The following GARRE1 variants were observed in gnomAD, a reference collection of about 807,000 sequenced individuals.
GARRE1 encodes granule associated Rac and RHOG effector 1, also known as granule associated Rac and RHOG effector protein 1.
In GARRE1, 49 loss-of-function variants were observed where a neutral mutation model predicts 103.2. That is an observed-to-expected ratio of 0.47 (90% CI 0.38 to 0.60). GARRE1 has a LOEUF of 0.60. GARRE1 is among the 20% of genes least tolerant of loss of function. The probability of loss-of-function intolerance (pLI) is 0.00; values close to 1 mark genes in which losing one functional copy is unlikely to be tolerated. For missense variants in GARRE1, 1,199 were observed against 1,370.5 expected (o/e 0.87, Z 1.98); for synonymous variants, 505 against 532.8 (o/e 0.95, Z 0.72).
intron 1 of GARRE1, among the ~76,000 whole-genome samples, chr19:34,293,743 C>CACACACACACACACACAT (rs902253324): frequency 8.8e-6 from 1 of 113,460 alleles, no homozygotes; most frequent in South Asian, 3.2e-4. Context: ...CACACACACA[C>CACACACACACACACACAT]ATATTTCTTT....
In GARRE1 at chr19:34,258,785, G is replaced by A. The variant is rs1024912629; in HGVS notation, c.-796+4171G>A. Among the ~76,000 whole-genome samples, 10 of 121,504 alleles carry A rather than the reference G, an allele frequency of 8.2e-5. No homozygotes were observed. The East Asian group carries it at 9.9e-4, about 12-fold the overall frequency. 79.7% of individuals were successfully genotyped at this position (121,504 alleles called of 152,430 possible). A position where few individuals can be genotyped will look rare whatever the true frequency, so the allele number is the denominator to read the frequency against. The stretch of plus-strand genomic sequence containing the variant: ...AGCCTGGGCGACAGAGTAAGACTCC[G>A]TCTCAAAAAAAAAAAGAAAAGAAAA... On this transcript the variant is annotated intron_variant, in intron 1 of 13. Transcript: ENST00000299505.
chr19:34,302,487 T>G (rs1160211433), intron 2 of GARRE1, among the ~76,000 whole-genome samples: 1 of 151,378 alleles, frequency 6.6e-6, no homozygotes, highest in Non-Finnish European at 1.5e-5. Context: ...AGAGACAGGG[T>G]TTCACCATCT....
chr19:34,271,663 C>T (rs1019336101), intron 1 of GARRE1, among the ~76,000 whole-genome samples: 8 of 152,042 alleles, frequency 5.3e-5, no homozygotes, highest in African/African-American at 1.9e-4. Flanking sequence ...AGTTTGAGAC[C>T]AGCCTGGGCA....
chr19:34,342,838 C>CT (rs879824769), intron 10 of GARRE1, among the ~76,000 whole-genome samples: 54 of 143,944 alleles, frequency 3.8e-4, no homozygotes, highest in South Asian at 6.6e-4. Flanking sequence ...CTTTGCGATG[C>CT]TTTTTTTTTT....
In GARRE1 at chr19:34,319,980, A is replaced by C. The variant is rs2074077804; in HGVS notation, c.569A>C (p.Gln190Pro). 6.2e-7 allele frequency: 1 copy of C among 1,614,142 alleles called. No homozygotes were observed. The highest frequency in any genetic ancestry group is 1.3e-5 in the African/African-American group (1 of 74,950). ...QFLTHALQKV[Q>P]PVAHSCFAEV... ...TTGACTCATGCGTTACAGAAGGTCC[A>C]GCCGGTGGCTCACTCTTGCTTTGCT... Residue 190 changes from glutamine (Q) to proline (P), a missense_variant, in exon 3 of 14, where the codon CAG (glutamine) becomes CCG (proline). Gln to Pro is a moderately conservative substitution (Grantham distance 76). Coordinates refer to ENST00000299505, the MANE Select transcript of GARRE1 (RefSeq NM_014686.5).
At chr19:34,302,081 C>G (rs1283117436) in intron 2 of GARRE1, among the ~76,000 whole-genome samples, 2 of 149,558 alleles carry the variant, frequency 1.3e-5, no homozygotes, top group Non-Finnish European at 3.0e-5. Flanking sequence ...ACCTCCACCT[C>G]CCGAGTTCAA....
At chr19:34,308,956 C>A (rs1235431687) in intron 2 of GARRE1, among the ~76,000 whole-genome samples, 1 of 151,978 alleles carries the variant, frequency 6.6e-6, no homozygotes, top group African/African-American at 2.4e-5. Flanking sequence ...CTTCCGCACC[C>A]AAATCTCATT....
At chr19:34,324,526 CTGGGTCT>C (rs2074103339) in intron 3 of GARRE1, among the ~76,000 whole-genome samples, 1 of 141,394 alleles carries the variant, frequency 7.1e-6, no homozygotes, top group Admixed American at 7.2e-5. Context: ...TTTTTTGAGA[CTGGGTCT>C]TGCTCTGTTG....
rs2073966742 is a variant in GARRE1, at chr19:34,299,717, C to G, written c.-757C>G. 6.6e-6 allele frequency: 1 copy of G among 152,168 alleles called. No homozygotes were observed. Among genetic ancestry groups the G allele is most frequent in the Non-Finnish European group, 1.5e-5 (1 of 68,036 alleles). The allele number at this position is 152,168 out of a possible 1,614,324, so 9.4% of individuals were successfully genotyped here. A position where few individuals can be genotyped will look rare whatever the true frequency, so the allele number is the denominator to read the frequency against. On this transcript the variant is annotated 5_prime_UTR_variant, in exon 2 of 14. Coordinates refer to ENST00000299505, the MANE Select transcript of GARRE1 (RefSeq NM_014686.5). Reference sequence around the variant, plus strand: ...AGCCTTACAAATACATCTGTGCATTCTTGCTTCAGACTTTACAACTGAGGG... The same window carrying G: ...AGCCTTACAAATACATCTGTGCATTGTTGCTTCAGACTTTACAACTGAGGG...
At chr19:34,334,715 A>G (rs557869381) in intron 8 of GARRE1, among the ~76,000 whole-genome samples, 25 of 151,700 alleles carry the variant, frequency 1.6e-4, no homozygotes, top group African/African-American at 5.3e-4. Flanking sequence ...AAAAAAAGAA[A>G]AAAGAAAATG....
rs369572498 is a variant in GARRE1 at position 34,300,740 on chromosome 19, C to A, written c.267C>A (p.Val89=). 4.1e-5 allele frequency: 66 copies of A among 1,614,134 alleles called. No individual in the cohort carries two copies. Among genetic ancestry groups the A allele is most frequent in the Non-Finnish European group, 5.0e-5 (59 of 1,180,050 alleles). Residue 89 remains valine (V), a synonymous_variant, in exon 2 of 14, where the codon GTC becomes GTA. Coordinates refer to ENST00000299505, the MANE Select transcript of GARRE1 (RefSeq NM_014686.5). ...GISKYLDALN[V]FCRASTFLTD... ...CCAAGTATCTGGATGCCCTGAACGT[C>A]TTCTGCCGTGCCAGTACTTTCCTCA...
chr19:34,279,041 A>G (rs2073835332), intron 1 of GARRE1, among the ~76,000 whole-genome samples: 1 of 152,138 alleles, frequency 6.6e-6, no homozygotes, highest in Admixed American at 6.6e-5. Flanking sequence ...TTCATCTTCC[A>G]TGGACATTTG....
At chr19:34,350,876 C>T (rs1311526450) in intron 12 of GARRE1, among the ~76,000 whole-genome samples, 3 of 152,066 alleles carry the variant, frequency 2.0e-5, no homozygotes, top group Admixed American at 6.6e-5. Context: ...CCACCGCACC[C>T]GGCCGGAAAC....
intron 2 of GARRE1, among the ~76,000 whole-genome samples, chr19:34,303,940 A>G (rs1043251091): frequency 6.6e-6 from 1 of 151,976 alleles, no homozygotes; most frequent in Admixed American, 6.6e-5. Context: ...TATTTTTTAC[A>G]ATCCTTTAAA....
rs191618649 is a variant in GARRE1 at position 34,353,136 on chromosome 19, C to T, written c.*181C>T. ...AGCTCCAAGCCTTTAAACCTGGCTT[C>T]TGAAACGATGGCATCAGAGCCCTGG... On this transcript the variant is annotated 3_prime_UTR_variant, in exon 14 of 14. Coordinates refer to ENST00000299505, the MANE Select transcript of GARRE1 (RefSeq NM_014686.5). 372 of 596,520 alleles carry T rather than the reference C, an allele frequency of 6.2e-4. No individual in the cohort carries two copies. The highest frequency in any genetic ancestry group is 7.5e-5 in the Non-Finnish European group (26 of 347,932). The allele number at this position is 596,520 out of a possible 1,614,324, so 37.0% of individuals were successfully genotyped here. A position where few individuals can be genotyped will look rare whatever the true frequency, so the allele number is the denominator to read the frequency against.
intron 1 of GARRE1, among the ~76,000 whole-genome samples, chr19:34,294,122 T>C (rs1490590067): frequency 6.6e-6 from 1 of 152,034 alleles, no homozygotes; most frequent in African/African-American, 2.4e-5. Flanking sequence ...GTGCCTTACA[T>C]GTATAGGCTT....
intron 3 of GARRE1, among the ~76,000 whole-genome samples, chr19:34,325,079 A>G (rs1478239029): frequency 2.0e-5 from 3 of 152,208 alleles, no homozygotes; most frequent in African/African-American, 7.2e-5. Flanking sequence ...AGTGTGGAGA[A>G]TATTCCTCCT....
At position 34,339,903 on chromosome 19, in the gene GARRE1, G is replaced by T; in HGVS notation, c.1398G>T (p.Leu466=). Residue 466 remains leucine (L), a synonymous_variant, in exon 9 of 14, where the codon CTG becomes CTT. Coordinates refer to ENST00000299505, the MANE Select transcript of GARRE1 (RefSeq NM_014686.5). The part of the protein sequence containing the change: ...LKEDPATMSL[L]QRSLDPEKTL... ...AAGACCCTGCTACCATGTCCCTGCT[G>T]CAGAGAAGCCTTGATCCTGAGAAGA... is the stretch of plus-strand genomic sequence containing the variant. 2 of 1,614,186 alleles carry T rather than the reference G, an allele frequency of 1.2e-6. No individual in the cohort carries two copies. Among genetic ancestry groups the T allele is most frequent in the Non-Finnish European group, 8.5e-7 (1 of 1,180,026 alleles).
chr19:34,327,380 T>C (rs2074116376), intron 3 of GARRE1, 41 bp from the exon 4 acceptor site: 1 of 1,603,542 alleles, frequency 6.2e-7, no homozygotes, highest in Non-Finnish European at 8.5e-7. Flanking sequence ...GCTAGAACTG[T>C]ACCACCCTCT....
Sources: allele counts gnomAD v4.1 joint callset (sites outside exome capture counted in the v4.1 genomes callset), GRCh38; gene constraint gnomAD v4.1.1; transcripts MANE v1.5; gene names NCBI Gene and HGNC (gene_info 2026-07-23, HGNC 2026-07-21).